GOLM1: variants seen among roughly 807,000 people sequenced by gnomAD.
GOLM1 encodes epididymis luminal protein 46.
In GOLM1, 31 loss-of-function variants were observed where a neutral mutation model predicts 50.5. That is an observed-to-expected ratio of 0.61 (90% CI 0.46 to 0.83). The LOEUF (loss-of-function observed/expected upper bound fraction) is 0.83. GOLM1 is among the 40% of genes least tolerant of loss of function. The pLI, the probability that GOLM1 is intolerant of heterozygous loss-of-function variation, is 0.00. For synonymous variants in GOLM1, 178 were observed against 192.8 expected, an observed-to-expected ratio of 0.92 and a Z score of 0.64; for missense variants, 491 against 501.3, an observed-to-expected ratio of 0.98 and a Z score of 0.20.
intron 3 of GOLM1, among the ~76,000 whole-genome samples, chr9:86,067,717 G>T (rs1834342443): frequency 6.6e-6 from 1 of 152,128 alleles, no homozygotes; most frequent in Non-Finnish European, 1.5e-5. Context: ...TTAGAAACAG[G>T]GTTGGCCGGG....
chr9:86,053,663 CCACACACGGCACACCACTCCA>C, intron 3 of GOLM1, among the ~76,000 whole-genome samples: 2 of 148,202 alleles, frequency 1.3e-5, no homozygotes, highest in African/African-American at 5.1e-5. Context: ...CTACACCACT[CCACACACGGCACACCACTCCA>C]CACACACCAC....
At chr9:86,039,557 T>C (rs1254758130) in intron 6 of GOLM1, among the ~76,000 whole-genome samples, 1 of 152,232 alleles carries the variant, frequency 6.6e-6, no homozygotes, top group East Asian at 1.9e-4. Flanking sequence ...CATCAACTGA[T>C]GATGAATAAT....
At chr9:86,059,222 C>T (rs1214114649) in intron 3 of GOLM1, among the ~76,000 whole-genome samples, 3 of 152,072 alleles carry the variant, frequency 2.0e-5, no homozygotes, top group African/African-American at 7.2e-5. Context: ...AAGACATATC[C>T]CCACTGGAAA....
intron 3 of GOLM1, among the ~76,000 whole-genome samples, chr9:86,059,773 C>T (rs1412246585): frequency 1.3e-5 from 2 of 151,514 alleles, no homozygotes; most frequent in African/African-American, 4.8e-5. Context: ...CACCTGTAAT[C>T]CCTGTAATCC....
intron 1 of GOLM1, among the ~76,000 whole-genome samples, chr9:86,089,554 T>C (rs1466980431): frequency 1.3e-5 from 2 of 152,118 alleles, no homozygotes; most frequent in Non-Finnish European, 2.9e-5. Flanking sequence ...GATTTGGCTA[T>C]TGATACTTGC....
At chr9:86,061,987 A>C (rs919250451) in intron 3 of GOLM1, among the ~76,000 whole-genome samples, 2 of 152,172 alleles carry the variant, frequency 1.3e-5, no homozygotes, top group African/African-American at 4.8e-5. Flanking sequence ...GTTTAAATGG[A>C]AGGGCGTCGG....
chr9:86,069,647 G>A (rs1282348870), intron 3 of GOLM1, among the ~76,000 whole-genome samples: 1 of 152,192 alleles, frequency 6.6e-6, no homozygotes, highest in East Asian at 1.9e-4. Context: ...AGTGGGCTAT[G>A]GGTGTGGGGT....
intron 8 of GOLM1, chr9:86,034,953 C>T (rs1344061346): frequency 4.2e-6 from 4 of 953,556 alleles, no homozygotes; most frequent in African/African-American, 1.8e-5. Context: ...TAACCTTCAT[C>T]TACCCAATAT....
At chr9:86,031,357 G>C (rs1169320448) in intron 9 of GOLM1, among the ~76,000 whole-genome samples, 1 of 150,974 alleles carries the variant, frequency 6.6e-6, no homozygotes, top group African/African-American at 2.4e-5. Context: ...CCTCAGAGAA[G>C]ATGGGGAAGT....
At chr9:86,093,156 G>A (rs1022420312) in intron 1 of GOLM1, among the ~76,000 whole-genome samples, 2 of 152,106 alleles carry the variant, frequency 1.3e-5, no homozygotes, top group African/African-American at 2.4e-5. Flanking sequence ...CAAGGCAGAC[G>A]ATCACCTGAG....
chr9:86,041,649 C>T (rs1019860752), intron 5 of GOLM1, among the ~76,000 whole-genome samples: 6 of 152,176 alleles, frequency 3.9e-5, no homozygotes, highest in African/African-American at 1.4e-4. Flanking sequence ...GACAGTCATC[C>T]TGGCAAATTA....
intron 1 of GOLM1, among the ~76,000 whole-genome samples, chr9:86,090,105 C>T (rs1175445407): frequency 1.3e-5 from 2 of 152,166 alleles, no homozygotes; most frequent in Non-Finnish European, 2.9e-5. Flanking sequence ...CTGCCTGTTC[C>T]TTCCTCTGGA....
chr9:86,034,312 CTT>C (rs746443412), intron 8 of GOLM1, among the ~76,000 whole-genome samples: 3 of 152,168 alleles, frequency 2.0e-5, no homozygotes, highest in Non-Finnish European at 4.4e-5. Context: ...GCTCTAGTCT[CTT>C]TCTCTGGCTC....
At chr9:86,053,586 C>CACA in intron 3 of GOLM1, among the ~76,000 whole-genome samples, 1 of 992 alleles carries the variant, frequency 1.0e-3, no homozygotes, top group South Asian at 0.025. Context: ...ACACCACACA[C>CACA]CACACCACTC....
At chr9:86,092,301 T>C (rs1223970660) in intron 1 of GOLM1, among the ~76,000 whole-genome samples, 21 of 152,238 alleles carry the variant, frequency 1.4e-4, no homozygotes, top group Admixed American at 1.4e-3. Flanking sequence ...TTCCATTTTA[T>C]GAGGAAACAG....
chr9:86,028,812 A>G lies in GOLM1; in HGVS notation c.1130-919T>C, dbSNP rs12554914. ...CACTGAAGAAGAAAGCCATACCCCC[A>G]TTGCATGCCCTGTGAAGGGGATAAG... On this transcript the variant is annotated intron_variant, in intron 9 of 9. Coordinates refer to ENST00000388712, the MANE Select transcript of GOLM1 (RefSeq NM_016548.4). Among the ~76,000 whole-genome samples the G allele has an allele frequency of 2.0e-3, 289 of 144,466 alleles. 6 individuals carry two copies. Among genetic ancestry groups the G allele is most frequent in the Admixed American group, 0.017 (252 of 14,508 alleles). 94.8% of individuals were successfully genotyped at this position (144,466 alleles called of 152,430 possible).
At chr9:86,075,112 G>A (rs564739404) in intron 3 of GOLM1, among the ~76,000 whole-genome samples, 11 of 152,240 alleles carry the variant, frequency 7.2e-5, no homozygotes, top group African/African-American at 2.4e-4. Context: ...CAAGGACACC[G>A]CAAGAAGAAG....
chr9:86,088,804 A>G (rs191035913), intron 1 of GOLM1, among the ~76,000 whole-genome samples: 103 of 152,114 alleles, frequency 6.8e-4, no homozygotes, highest in African/African-American at 2.4e-3. Flanking sequence ...TCCTGTCATT[A>G]TGATGTTAAC....
chr9:86,079,090 C>G (rs536232386), intron 2 of GOLM1, 102 bp downstream of exon 2: 2 of 1,084,244 alleles, frequency 1.8e-6, no homozygotes, highest in Non-Finnish European at 2.6e-6. Context: ...CTGCACAAAA[C>G]GCCCTGGCTG....
Sources: allele counts gnomAD v4.1 joint callset (sites outside exome capture counted in the v4.1 genomes callset), GRCh38; gene constraint gnomAD v4.1.1; transcripts MANE v1.5; gene names NCBI Gene and HGNC (gene_info 2026-07-23, HGNC 2026-07-21).